The following SORCS1 variants were observed in gnomAD, a reference collection of about 807,000 sequenced individuals.
SORCS1 encodes the protein VPS10 domain-containing receptor SorCS1.
SORCS1 carries 60 observed loss-of-function variants against 146.1 expected under a neutral mutation model. The observed-to-expected ratio is 0.41, with a 90% CI of 0.33 to 0.51. The LOEUF (loss-of-function observed/expected upper bound fraction) is 0.51. SORCS1 is among the 20% of genes least tolerant of loss of function. The probability of loss-of-function intolerance (pLI) is 0.21; values close to 1 mark genes in which losing one functional copy is unlikely to be tolerated. For synonymous variants in SORCS1, 637 were observed against 584.0 expected (o/e 1.09, Z -1.31); for missense variants, 1,352 against 1,487.6 (o/e 0.91, Z 1.50).
intron 3 of SORCS1, among the ~76,000 whole-genome samples, chr10:106,780,784 G>T (rs1860826811): frequency 6.6e-6 from 1 of 152,168 alleles, no homozygotes; most frequent in Admixed American, 6.5e-5. Context: ...CTTGCAGGGT[G>T]TGCCGACTGA....
intron 5 of SORCS1, among the ~76,000 whole-genome samples, chr10:106,747,214 T>C (rs563700774): frequency 9.5e-4 from 144 of 152,348 alleles, no homozygotes; most frequent in African/African-American, 3.3e-3. Context: ...AATTATAGAA[T>C]TGTCCTGTTT....
At chr10:107,051,366 A>G (rs562609642) in intron 1 of SORCS1, among the ~76,000 whole-genome samples, 20 of 152,258 alleles carry the variant, frequency 1.3e-4, no homozygotes, top group African/African-American at 4.8e-4. Context: ...GCTGAGAGCC[A>G]TTTTGTCAAG....
intron 1 of SORCS1, among the ~76,000 whole-genome samples, chr10:107,122,444 A>G (rs1966461067): frequency 6.6e-6 from 1 of 152,236 alleles, no homozygotes; most frequent in South Asian, 2.1e-4. Context: ...CAGGAAAGGT[A>G]AGGAAGAAGC....
chr10:107,089,040 G>A (rs1308945566), intron 1 of SORCS1, among the ~76,000 whole-genome samples: 1 of 152,096 alleles, frequency 6.6e-6, no homozygotes, highest in Non-Finnish European at 1.5e-5. Flanking sequence ...AGAATCTTGT[G>A]ATATACAAAA....
chr10:107,171,832 T>C, the SORCS1 span, among the ~76,000 whole-genome samples: 2 of 152,288 alleles, frequency 1.3e-5, no homozygotes, highest in South Asian at 4.2e-4. Context: ...ATTCAACATA[T>C]GCAATTTATC....
At chr10:106,609,481 G>A (rs889299595) in intron 22 of SORCS1, among the ~76,000 whole-genome samples, 8 of 152,130 alleles carry the variant, frequency 5.3e-5, no homozygotes, top group African/African-American at 1.4e-4. Context: ...GTTTATTAGT[G>A]TACACTTGCC....
In SORCS1 at chr10:106,577,507, G is replaced by A. The variant is rs772313259; in HGVS notation, c.3420C>T (p.Asp1140=). 27 of 1,586,004 alleles carry A rather than the reference G, an allele frequency of 1.7e-5. No homozygotes were observed. Among genetic ancestry groups the A allele is most frequent in the Non-Finnish European group, 3.4e-6 (4 of 1,162,096 alleles). The part of the protein sequence containing the change: ...SPPSPSTQPG[D]SSLRLQRARH... ...TTGCTCTTTGCAATCGGAGAGATGA[G>A]TCACCAGGTTGAGTAGAAGGGGAGG... The change falls in exon 26 of 26, where the codon GAC becomes GAT. Residue 1140 remains aspartate, a synonymous_variant. Transcript: ENST00000263054.
intron 1 of SORCS1, among the ~76,000 whole-genome samples, chr10:107,093,274 TC>T (rs1047474394): frequency 7.2e-5 from 11 of 152,144 alleles, no homozygotes; most frequent in African/African-American, 2.4e-4. Flanking sequence ...CTGAAACATC[TC>T]CGGTCTGAAA....
chr10:107,067,869 G>A (rs1467544262), intron 1 of SORCS1, among the ~76,000 whole-genome samples: 3 of 152,118 alleles, frequency 2.0e-5, no homozygotes, highest in Non-Finnish European at 4.4e-5. Context: ...ATATATGCTA[G>A]TACTCAGAAA....
intron 5 of SORCS1, among the ~76,000 whole-genome samples, chr10:106,733,126 G>GAAA (rs1427611251): frequency 7.8e-6 from 1 of 127,732 alleles, no homozygotes; most frequent in African/African-American, 3.0e-5. Flanking sequence ...GAAAAGAAAA[G>GAAA]AAAAGAAAAG....
chr10:107,028,782 T>G (rs1362053870), intron 1 of SORCS1, among the ~76,000 whole-genome samples: 1 of 152,198 alleles, frequency 6.6e-6, no homozygotes, highest in Non-Finnish European at 1.5e-5. Context: ...CAATTCAGTC[T>G]CTCATTATCT....
At chr10:107,038,700 G>GGC (rs1554927934) in intron 1 of SORCS1, among the ~76,000 whole-genome samples, 7 of 19,202 alleles carry the variant, frequency 3.6e-4, no homozygotes, top group East Asian at 1.2e-3. Context: ...AGGGGGCGGG[G>GGC]GGGGAGGTGG....
intron 3 of SORCS1, among the ~76,000 whole-genome samples, chr10:106,826,140 T>C (rs1948294448): frequency 6.6e-6 from 1 of 152,252 alleles, no homozygotes; most frequent in Non-Finnish European, 1.5e-5. Context: ...GCCTGCTGTT[T>C]CCAACATGAT....
At chr10:107,058,222 T>C (rs910348698) in intron 1 of SORCS1, among the ~76,000 whole-genome samples, 1 of 151,914 alleles carries the variant, frequency 6.6e-6, no homozygotes, top group Non-Finnish European at 1.5e-5. Context: ...TTTGTATTTT[T>C]AGTAGAGATG....
rs181177107 is a variant in SORCS1 at position 107,091,296 on chromosome 10, G to A, written c.558+72673C>T. 1.7e-3 allele frequency among the ~76,000 whole-genome samples: 266 copies of A among 152,298 alleles called. 2 individuals carry two copies. Among genetic ancestry groups the A allele is most frequent in the Non-Finnish European group, 3.3e-3 (224 of 68,026 alleles). ...ACCTGCTTATGGGTTCCCCAGCATC[G>A]GTGATGACTGACTCCTTAGGATTCA... On this transcript the variant is annotated intron_variant, in intron 1 of 25. Transcript: ENST00000263054.
At chr10:106,892,313 G>A (rs1951268881) in intron 2 of SORCS1, among the ~76,000 whole-genome samples, 1 of 152,158 alleles carries the variant, frequency 6.6e-6, no homozygotes, top group Non-Finnish European at 1.5e-5. Context: ...TTTATTCTAA[G>A]TCACCTGGAG....
At chr10:106,692,911 A>T (rs1853405988) in intron 9 of SORCS1, among the ~76,000 whole-genome samples, 1 of 151,984 alleles carries the variant, frequency 6.6e-6, no homozygotes. Flanking sequence ...AAATGTATTA[A>T]ATTATTATAT....
chr10:106,843,724 T>C (rs183248850), intron 2 of SORCS1, among the ~76,000 whole-genome samples: 17 of 152,314 alleles, frequency 1.1e-4, no homozygotes, highest in South Asian at 2.1e-4. Context: ...CGTGAGCCAC[T>C]GCACCCAGAC....
intron 1 of SORCS1, among the ~76,000 whole-genome samples, chr10:107,079,779 CA>C (rs1963183858): frequency 6.6e-6 from 1 of 152,158 alleles, no homozygotes; most frequent in Admixed American, 6.5e-5. Flanking sequence ...ACACACGCCA[CA>C]GAAACATCAC....
Sources: allele counts gnomAD v4.1 joint callset (sites outside exome capture counted in the v4.1 genomes callset), GRCh38; gene constraint gnomAD v4.1.1; transcripts MANE v1.5; gene names NCBI Gene and HGNC (gene_info 2026-07-23, HGNC 2026-07-21).